NKAIN2: variants seen among roughly 807,000 people sequenced by gnomAD.
NKAIN2 encodes sodium/potassium transporting ATPase interacting 2.
In NKAIN2, 14 loss-of-function variants were observed where a neutral mutation model predicts 32.6. The observed-to-expected ratio is 0.43, with a 90% CI of 0.28 to 0.67. The LOEUF (loss-of-function observed/expected upper bound fraction) is 0.67. NKAIN2 is among the 30% of genes least tolerant of loss of function. The pLI, the probability that NKAIN2 is intolerant of heterozygous loss-of-function variation, is 0.17. For missense variants in NKAIN2, 198 were observed against 258.3 expected (o/e 0.77, Z 1.60); for synonymous variants, 80 against 87.2 (o/e 0.92, Z 0.46).
intron 3 of NKAIN2, among the ~76,000 whole-genome samples, chr6:124,385,937 A>G (rs184248691): frequency 9.0e-4 from 137 of 152,274 alleles, no homozygotes; most frequent in African/African-American, 3.2e-3. Flanking sequence ...CATAATCTCC[A>G]TCAAGTTTAA....
intron 3 of NKAIN2, among the ~76,000 whole-genome samples, chr6:124,513,480 TA>T (rs1778793803): frequency 6.6e-6 from 1 of 152,186 alleles, no homozygotes; most frequent in Non-Finnish European, 1.5e-5. Flanking sequence ...TTAACTCTTC[TA>T]TTTAGCCCTT....
At chr6:124,096,002 C>G (rs1430369736) in intron 1 of NKAIN2, among the ~76,000 whole-genome samples, 1 of 152,056 alleles carries the variant, frequency 6.6e-6, no homozygotes, top group Non-Finnish European at 1.5e-5. Flanking sequence ...CATTGTTTCT[C>G]TATAAACAAG....
At chr6:124,088,930 A>G (rs76273570) in intron 1 of NKAIN2, among the ~76,000 whole-genome samples, 2,953 of 152,144 alleles carry the variant, frequency 0.019, 89 homozygotes, top group African/African-American at 0.064. Context: ...CACATGACTT[A>G]TCTTAGCACA....
intron 3 of NKAIN2, among the ~76,000 whole-genome samples, chr6:124,611,958 A>G (rs975796180): frequency 2.0e-5 from 3 of 152,136 alleles, no homozygotes; most frequent in Non-Finnish European, 4.4e-5. Context: ...ATGTGTAGAC[A>G]TCACTGAATT....
intron 5 of NKAIN2, among the ~76,000 whole-genome samples, chr6:124,802,177 C>T (rs1780290768): frequency 6.6e-6 from 1 of 152,186 alleles, no homozygotes; most frequent in Admixed American, 6.5e-5. Context: ...TAGGTAATTA[C>T]AGCACGCATG....
At chr6:124,781,763 A>G (rs888946324) in intron 4 of NKAIN2, among the ~76,000 whole-genome samples, 2 of 152,150 alleles carry the variant, frequency 1.3e-5, no homozygotes, top group Non-Finnish European at 2.9e-5. Flanking sequence ...AAGAACACCA[A>G]TTATAGCCAA....
chr6:124,282,927 A>G (rs58011048), intron 1 of NKAIN2, 78 bp from the exon 2 acceptor site: 3 of 1,252,936 alleles, frequency 2.4e-6, no homozygotes, highest in Admixed American at 3.7e-5. Context: ...TATGTTATTA[A>G]TAATTTTATC....
At chr6:123,959,571 C>CTAGAT (rs1777747024) in intron 1 of NKAIN2, among the ~76,000 whole-genome samples, 1 of 151,918 alleles carries the variant, frequency 6.6e-6, no homozygotes, top group South Asian at 2.1e-4. Context: ...ATATTCATAC[C>CTAGAT]CTTTTGAAAT....
At chr6:124,320,083 G>A (rs1797112324) in intron 2 of NKAIN2, among the ~76,000 whole-genome samples, 1 of 152,126 alleles carries the variant, frequency 6.6e-6, no homozygotes, top group Non-Finnish European at 1.5e-5. Context: ...GTTAATTGAG[G>A]CAAAGCTGAG....
chr6:124,275,394 C>T (rs1436357605), intron 1 of NKAIN2, among the ~76,000 whole-genome samples: 1 of 152,026 alleles, frequency 6.6e-6, no homozygotes, highest in Non-Finnish European at 1.5e-5. Context: ...TGAGAAAATG[C>T]ACTTCTTGTC....
chr6:124,306,452 T>C (rs1281770309), intron 2 of NKAIN2, among the ~76,000 whole-genome samples: 1 of 152,192 alleles, frequency 6.6e-6, no homozygotes, highest in Non-Finnish European at 1.5e-5. Flanking sequence ...TAACTTCTTA[T>C]GCATAAACTA....
At chr6:124,444,604 A>G (rs1398884552) in intron 3 of NKAIN2, among the ~76,000 whole-genome samples, 1 of 152,026 alleles carries the variant, frequency 6.6e-6, no homozygotes, top group African/African-American at 2.4e-5. Context: ...CATATTCTCA[A>G]CTACAAAACT....
At chr6:124,032,266 T>TAG (rs1781437646) in intron 1 of NKAIN2, among the ~76,000 whole-genome samples, 1 of 61,896 alleles carries the variant, frequency 1.6e-5, no homozygotes, top group Non-Finnish European at 2.9e-5. Flanking sequence ...TGTCGTGGGG[T>TAG]GGGGGGAGGG....
chr6:124,068,885 A>T (rs1312622750), intron 1 of NKAIN2, among the ~76,000 whole-genome samples: 1 of 152,094 alleles, frequency 6.6e-6, no homozygotes, highest in African/African-American at 2.4e-5. Context: ...TGAGGAGTGG[A>T]TGGTAGACTC....
intron 3 of NKAIN2, among the ~76,000 whole-genome samples, chr6:124,562,416 A>G (rs1251521945): frequency 6.6e-6 from 1 of 152,216 alleles, no homozygotes; most frequent in African/African-American, 2.4e-5. Context: ...TTTATTTTTC[A>G]TAGAAGAAAA....
At chr6:124,433,749 T>C (rs1241255013) in intron 3 of NKAIN2, among the ~76,000 whole-genome samples, 1 of 152,154 alleles carries the variant, frequency 6.6e-6, no homozygotes, top group Non-Finnish European at 1.5e-5. Flanking sequence ...CCATGAATAT[T>C]TGATGGAAGT....
chr6:124,672,304 T>A (rs892123526), intron 4 of NKAIN2, among the ~76,000 whole-genome samples: 4 of 152,064 alleles, frequency 2.6e-5, no homozygotes, highest in African/African-American at 9.7e-5. Context: ...AAATAAATTC[T>A]TGCCAAAGTT....
intron 3 of NKAIN2, among the ~76,000 whole-genome samples, chr6:124,495,951 T>G (rs1182283668): frequency 1.3e-5 from 2 of 152,166 alleles, no homozygotes; most frequent in Admixed American, 1.3e-4. Flanking sequence ...ATAAACTTCA[T>G]GATGACAAGA....
At chr6:124,353,027 G>A (rs1263949051) in intron 2 of NKAIN2, among the ~76,000 whole-genome samples, 1 of 152,162 alleles carries the variant, frequency 6.6e-6, no homozygotes, top group African/African-American at 2.4e-5. Context: ...TTCACGTAGA[G>A]CTCTCACTCC....
Sources: gnomAD v4.1 joint callset for allele counts (sites outside exome capture counted in the v4.1 genomes callset) on GRCh38, gnomAD v4.1.1 for gene constraint, MANE v1.5 for transcripts, NCBI Gene and HGNC (gene_info 2026-07-23, HGNC 2026-07-21) for gene names.